CBR4: variants seen among roughly 807,000 people sequenced by gnomAD.
CBR4 encodes carbonyl reductase 4.
In CBR4, 22 loss-of-function variants were observed where a neutral mutation model predicts 21.0. The observed-to-expected ratio is 1.05, with a 90% CI of 0.75 to 1.50. The LOEUF (loss-of-function observed/expected upper bound fraction) is 1.50, where lower values mean the gene tolerates loss of function less well. Among genes scored for constraint, CBR4 ranks in the 40% most tolerant of loss-of-function variants. The probability of loss-of-function intolerance (pLI) is 0.00; values close to 1 mark genes in which losing one functional copy is unlikely to be tolerated. For missense variants in CBR4, 302 were observed against 286.3 expected (o/e 1.05, Z -0.40); for synonymous variants, 100 against 104.4 (o/e 0.96, Z 0.26).
At chr4:168,961,334 C>A (rs1161702245) in intron 2 of CBR4, among the ~76,000 whole-genome samples, 1 of 152,034 alleles carries the variant, frequency 6.6e-6, no homozygotes, top group Admixed American at 6.6e-5. Flanking sequence ...TAAATTTATT[C>A]TGTCTTGTAT....
intron 2 of CBR4, among the ~76,000 whole-genome samples, chr4:168,919,817 T>A (rs1353677840): frequency 1.3e-5 from 2 of 152,200 alleles, no homozygotes; most frequent in East Asian, 3.9e-4. Context: ...CTAGTTACAT[T>A]GTGACCTGCT....
intron 4 of CBR4, among the ~76,000 whole-genome samples, chr4:168,996,696 CT>C (rs1306191205): frequency 1.3e-5 from 2 of 152,114 alleles, no homozygotes; most frequent in Non-Finnish European, 2.9e-5. Context: ...CCCTAATAAT[CT>C]GTCTGTAGCT....
chr4:168,996,412 AC>A (rs906384729), intron 4 of CBR4, among the ~76,000 whole-genome samples: 11 of 109,082 alleles, frequency 1.0e-4, no homozygotes, highest in East Asian at 6.4e-4. Flanking sequence ...TTTTCACATC[AC>A]CCCCCCCTTT....
Position 168,988,075 on chromosome 4 carries a change from T to G in CBR4, c.*2075A>C, listed in dbSNP as rs762451082. The G allele has an allele frequency of 1.0e-6, 1 of 985,334 alleles. No individual in the cohort carries two copies. The highest frequency in any genetic ancestry group is 1.2e-6 in the Non-Finnish European group (1 of 829,834). The allele number at this position is 985,334 out of a possible 1,614,324, so 61.0% of individuals were successfully genotyped here. ...TCTCAGAATAGCAGATTTTAAAAAA[T>G]GAATTCACTGAGGTTCTTAAACCTC... On this transcript the variant is annotated 3_prime_UTR_variant, in exon 5 of 5. Transcript: ENST00000306193.
chr4:168,958,847 G>A (rs2125322), intron 2 of CBR4, among the ~76,000 whole-genome samples: 105,082 of 152,052 alleles, frequency 0.69, 37,674 homozygotes, highest in East Asian at 0.96. Context: ...GATATCTTTT[G>A]TGAAAGGTCT....
At chr4:168,954,776 T>C (rs376705589) in intron 2 of CBR4, among the ~76,000 whole-genome samples, 1 of 152,142 alleles carries the variant, frequency 6.6e-6, no homozygotes, top group East Asian at 1.9e-4. Context: ...ACGTATTAGA[T>C]AGGCAAAGAA....
rs183103610 is a variant in CBR4, at chr4:168,990,376, T to C, written c.536-48A>G. 4.4e-6 allele frequency: 6 copies of C among 1,364,080 alleles called. No homozygotes were observed. In the Admixed American group the frequency reaches 1.7e-4, roughly 40 times the overall value. 84.5% of individuals were successfully genotyped at this position (1,364,080 alleles called of 1,614,324 possible). Reference sequence around the variant, plus strand: ...GTTGAAAAGGGTACACACTAAGACATCTGCTGAATTTCAAAAAAAATAATA... The same window carrying C: ...GTTGAAAAGGGTACACACTAAGACACCTGCTGAATTTCAAAAAAAATAATA... On this transcript the variant is annotated intron_variant, in intron 4 of 4. Coordinates refer to ENST00000306193, the MANE Select transcript of CBR4 (RefSeq NM_032783.5).
At chr4:168,971,385 T>C (rs1764202326) in intron 2 of CBR4, among the ~76,000 whole-genome samples, 1 of 150,192 alleles carries the variant, frequency 6.7e-6, no homozygotes, top group Non-Finnish European at 1.5e-5. Flanking sequence ...CCTCCCAACC[T>C]CAGCCTCCCG....
At chr4:168,970,541 A>G (rs962011615) in intron 2 of CBR4, among the ~76,000 whole-genome samples, 3 of 152,016 alleles carry the variant, frequency 2.0e-5, no homozygotes, top group African/African-American at 4.8e-5. Flanking sequence ...GGTTACATGG[A>G]TAAGTTATTT....
At chr4:168,978,180 T>C (rs1304914080) in intron 2 of CBR4, among the ~76,000 whole-genome samples, 1 of 152,214 alleles carries the variant, frequency 6.6e-6, no homozygotes, top group East Asian at 1.9e-4. Flanking sequence ...AATTCCTGAC[T>C]CACAATGTTC....
chr4:168,921,452 G>C, intron 2 of CBR4: 1 of 925,038 alleles, frequency 1.1e-6, no homozygotes, highest in Non-Finnish European at 1.7e-6. Context: ...ACTGAAGGAG[G>C]AATTTATGCA....
intron 3 of CBR4, among the ~76,000 whole-genome samples, chr4:169,004,236 T>C (rs749913545): frequency 6.6e-6 from 1 of 152,224 alleles, no homozygotes; most frequent in Non-Finnish European, 1.5e-5. Context: ...TAGCATTTTT[T>C]AGCAATAAAG....
downstream of CBR4, among the ~76,000 whole-genome samples, chr4:168,986,945 ATAAAT>A (rs968796366): frequency 2.0e-5 from 3 of 152,328 alleles, no homozygotes; most frequent in East Asian, 1.9e-4. Context: ...CTATCTCAAA[ATAAAT>A]TAATTTAATT....
exon 3 of CBR4, chr4:168,894,738 C>T: frequency 6.4e-7 from 1 of 1,574,644 alleles, no homozygotes; most frequent in Non-Finnish European, 8.6e-7. Flanking sequence ...TTCCATCTTC[C>T]TTATGGATAC....
chr4:168,900,031 TGGTGAA>T (rs984818579), intron 2 of CBR4, among the ~76,000 whole-genome samples: 17 of 151,978 alleles, frequency 1.1e-4, no homozygotes, highest in East Asian at 1.9e-4. Context: ...CTTACAATCA[TGGTGAA>T]GGCGAAGGCG....
At chr4:168,898,144 C>G in intron 2 of CBR4, 1 of 325,544 alleles carries the variant, frequency 3.1e-6, no homozygotes, top group Non-Finnish European at 5.9e-6. Context: ...AATCAGCGTT[C>G]CATTATATTT....
At chr4:168,911,016 A>G (rs1026657976) in intron 2 of CBR4, among the ~76,000 whole-genome samples, 3 of 152,224 alleles carry the variant, frequency 2.0e-5, no homozygotes, top group Non-Finnish European at 4.4e-5. Flanking sequence ...ATGATAACAC[A>G]GTACCAGCTA....
At chr4:168,933,895 A>T (rs1273121531) in intron 2 of CBR4, among the ~76,000 whole-genome samples, 2 of 152,232 alleles carry the variant, frequency 1.3e-5, no homozygotes, top group African/African-American at 4.8e-5. Flanking sequence ...GAAATTAAAC[A>T]ACATGCTCCT....
intron 4 of CBR4, among the ~76,000 whole-genome samples, chr4:168,997,411 CT>C (rs1765256909): frequency 6.6e-6 from 1 of 152,116 alleles, no homozygotes; most frequent in Non-Finnish European, 1.5e-5. Flanking sequence ...TGCATGGCTC[CT>C]GCCCAATGAG....
Sources: gnomAD v4.1 joint callset for allele counts (sites outside exome capture counted in the v4.1 genomes callset) on GRCh38, gnomAD v4.1.1 for gene constraint, MANE v1.5 for transcripts, NCBI Gene and HGNC (gene_info 2026-07-23, HGNC 2026-07-21) for gene names.